The following EFR3B variants were observed in gnomAD, a reference collection of about 807,000 sequenced individuals.
EFR3B encodes protein EFR3 homolog B.
In EFR3B, 64 loss-of-function variants were observed where a neutral mutation model predicts 104.7. The observed-to-expected ratio is 0.61, with a 90% CI of 0.50 to 0.75. The LOEUF is 0.75. Among genes scored for constraint, EFR3B ranks in the 30% least tolerant of loss-of-function variants. The probability of loss-of-function intolerance (pLI) is 0.00; values close to 1 mark genes in which losing one functional copy is unlikely to be tolerated. For missense variants in EFR3B, 750 were observed against 1,078.5 expected (o/e 0.70, Z 4.27); for synonymous variants, 385 against 417.9 (o/e 0.92, Z 0.96).
chr2:25,115,832 T>C (rs1185993685), intron 4 of EFR3B, among the ~76,000 whole-genome samples: 1 of 152,254 alleles, frequency 6.6e-6, no homozygotes, highest in East Asian at 1.9e-4. Context: ...TTTACTGCTG[T>C]TATTACTTAG....
intron 5 of EFR3B, among the ~76,000 whole-genome samples, chr2:25,127,113 A>T (rs1573222252): frequency 6.8e-6 from 1 of 146,606 alleles, no homozygotes. Flanking sequence ...AATTGCTTGA[A>T]CCCGGGAGGC....
chr2:25,049,906 G>A (rs1667819490), intron 1 of EFR3B, among the ~76,000 whole-genome samples: 1 of 150,334 alleles, frequency 6.7e-6, no homozygotes, highest in Non-Finnish European at 1.5e-5. Flanking sequence ...CCTGAGGTCA[G>A]GAGTTCAAGT....
At chr2:25,059,572 C>CGGGGGGGGGGGGGG (rs56219617) in intron 1 of EFR3B, among the ~76,000 whole-genome samples, 1 of 60,252 alleles carries the variant, frequency 1.7e-5, no homozygotes, top group African/African-American at 6.5e-5. Flanking sequence ...CCAGGGACTG[C>CGGGGGGGGGGGGGG]GGGGGGGGGG....
Position 25,114,676 on chromosome 2 carries a change from C to T in EFR3B, c.364-6997C>T, listed in dbSNP as rs1038627098. Among the ~76,000 whole-genome samples, 3 of 152,196 alleles carry T rather than the reference C, an allele frequency of 2.0e-5. No individual in the cohort carries two copies. Among genetic ancestry groups the T allele is most frequent in the Non-Finnish European group, 4.4e-5 (3 of 68,044 alleles). On this transcript the variant is annotated intron_variant, in intron 4 of 22. Coordinates refer to ENST00000403714, the MANE Select transcript of EFR3B (RefSeq NM_014971.2). The surrounding 1 kb of genome is among the most constrained non-coding windows in gnomAD (Gnocchi z 4.0). ...TCAAGCCCAAACCACCCCAGTTCTCCCCTTCAGAGGAAGTGGCTGTCCATC... is the reference window on the plus strand; with the variant it reads ...TCAAGCCCAAACCACCCCAGTTCTCTCCTTCAGAGGAAGTGGCTGTCCATC...
chr2:25,042,469 G>C lies in EFR3B; in HGVS notation c.7+150G>C. The C allele has an allele frequency of 1.7e-6, 2 of 1,207,212 alleles. No homozygotes were observed. Among genetic ancestry groups the C allele is most frequent in the Non-Finnish European group, 2.1e-6 (2 of 972,302 alleles). The allele number at this position is 1,207,212 out of a possible 1,614,324, so 74.8% of individuals were successfully genotyped here. A position where few individuals can be genotyped will look rare whatever the true frequency, so the allele number is the denominator to read the frequency against. ...GGGCTGTTGCGGTCGCTCTGTGCGCGCGCGTCTGCGCTGCGAGGACAAAGA... is the reference window on the plus strand; with the variant it reads ...GGGCTGTTGCGGTCGCTCTGTGCGCCCGCGTCTGCGCTGCGAGGACAAAGA... On this transcript the variant is annotated intron_variant, in intron 1 of 22. Coordinates refer to ENST00000403714, the MANE Select transcript of EFR3B (RefSeq NM_014971.2). This position sits in a 1 kb window ranked among gnomAD's most constrained non-coding sequence, Gnocchi z 5.4.
chr2:25,116,867 C>T (rs779160605), intron 4 of EFR3B, among the ~76,000 whole-genome samples: 4 of 152,072 alleles, frequency 2.6e-5, no homozygotes, highest in Admixed American at 6.6e-5. Flanking sequence ...CTACCTCGCA[C>T]CACCTCAGGG....
intron 1 of EFR3B, among the ~76,000 whole-genome samples, chr2:25,049,403 A>G (rs531623655): frequency 9.8e-5 from 15 of 152,352 alleles, no homozygotes; most frequent in African/African-American, 3.6e-4. Context: ...AGTAGCAGCT[A>G]TGTATGATAC....
intron 4 of EFR3B, chr2:25,116,182 A>ATAAAAAGTCTAAGCCTCT (rs1669854266): frequency 6.6e-6 from 1 of 152,242 alleles, no homozygotes; most frequent in African/African-American, 2.4e-5. Context: ...CTGTAGGGTC[A>ATAAAAAGTCTAAGCCTCT]TAAAAAGTCT....
intron 16 of EFR3B, among the ~76,000 whole-genome samples, chr2:25,141,040 C>CAA (rs78559860): frequency 0.015 from 1,133 of 74,082 alleles, 30 homozygotes; most frequent in Admixed American, 0.032. Context: ...GACTCCGTCT[C>CAA]AAAAAAAAAA....
intron 1 of EFR3B, among the ~76,000 whole-genome samples, chr2:25,086,964 A>T (rs1285439116): frequency 6.6e-6 from 1 of 152,172 alleles, no homozygotes; most frequent in African/African-American, 2.4e-5. Context: ...CATGCTGTGA[A>T]CGAAGACATA....
At chr2:25,108,960 C>G (rs1317390287) in intron 4 of EFR3B, among the ~76,000 whole-genome samples, 1 of 151,784 alleles carries the variant, frequency 6.6e-6, no homozygotes, top group African/African-American at 2.4e-5. Context: ...GAGCCGAGAT[C>G]GCTCCACTGC....
intron 4 of EFR3B, among the ~76,000 whole-genome samples, chr2:25,112,771 A>G (rs995722931): frequency 2.6e-5 from 4 of 152,220 alleles, no homozygotes; most frequent in African/African-American, 7.2e-5. Context: ...TTGTAGGTAA[A>G]TGCAGCAAAA....
chr2:25,092,967 G>A, intron 2 of EFR3B, 36 bp from the exon 3 acceptor site: 1 of 1,538,572 alleles, frequency 6.5e-7, no homozygotes, highest in Non-Finnish European at 8.7e-7. Flanking sequence ...TAGCCATAGT[G>A]TGGCCATAGT....
chr2:25,130,601 T>C lies in EFR3B; in HGVS notation c.820T>C (p.Cys274Arg). The change falls in exon 8 of 23, where the codon TGC (cysteine) becomes CGC (arginine). Residue 274 changes from cysteine to arginine, a missense_variant. Cys to Arg is a radical substitution (Grantham distance 180). Transcript: ENST00000403714. The surrounding 1 kb of genome is among the most constrained non-coding windows in gnomAD (Gnocchi z 4.6). ...GGAACCCAAGGTGTTTGCCATCCGT[T>C]GCTTTAAAATCATCATGTACTCAAT... ...LWEPKVFAIR[C>R]FKIIMYSIQP... is the part of the protein sequence containing the mutation. 1 of 1,551,754 alleles carries C rather than the reference T, an allele frequency of 6.4e-7. No homozygotes were observed. The highest frequency in any genetic ancestry group is 1.2e-5 in the South Asian group (1 of 84,062).
chr2:25,066,342 A>G (rs1464420294), intron 1 of EFR3B, among the ~76,000 whole-genome samples: 1 of 152,204 alleles, frequency 6.6e-6, no homozygotes, highest in African/African-American at 2.4e-5. Context: ...TTATTTAGTC[A>G]TGATGACAGC....
At chr2:25,144,034 C>T (rs1670749926) in intron 18 of EFR3B, among the ~76,000 whole-genome samples, 172 bp downstream of exon 18, 1 of 152,204 alleles carries the variant, frequency 6.6e-6, no homozygotes, top group Non-Finnish European at 1.5e-5. Context: ...ATTGCCCCAC[C>T]TCTCCTCCTC....
chr2:25,118,828 C>A (rs1314497636), intron 4 of EFR3B, among the ~76,000 whole-genome samples: 1 of 147,442 alleles, frequency 6.8e-6, no homozygotes, highest in Non-Finnish European at 1.5e-5. Flanking sequence ...ATCATGACAT[C>A]AGGAGATGGA....
At chr2:25,141,223 A>G in intron 16 of EFR3B, 143 bp from the exon 17 acceptor site, 1 of 797,956 alleles carries the variant, frequency 1.3e-6, no homozygotes, top group Non-Finnish European at 1.9e-6. Context: ...GCGAGTTTCC[A>G]CTGAAAAGCT....
intron 20 of EFR3B, among the ~76,000 whole-genome samples, chr2:25,150,149 A>G (rs1670961418): frequency 6.6e-6 from 1 of 152,016 alleles, no homozygotes; most frequent in South Asian, 2.1e-4. Flanking sequence ...AAAAAATACA[A>G]AAATTAGCCA....
Sources: allele counts gnomAD v4.1 joint callset (sites outside exome capture counted in the v4.1 genomes callset), GRCh38; gene constraint gnomAD v4.1.1; non-coding constraint Gnocchi (gnomAD v3.1); transcripts MANE v1.5; gene names NCBI Gene and HGNC (gene_info 2026-07-23, HGNC 2026-07-21).